The following DACH1 variants were observed in gnomAD, a reference collection of about 807,000 sequenced individuals.
The protein encoded by DACH1 is dachshund family transcription factor 1, also known as dachshund homolog 1.
In DACH1, 12 loss-of-function variants were observed where a neutral mutation model predicts 54.2. The ratio of observed to expected loss-of-function variants is 0.22; its 90% CI spans 0.14 to 0.36. The LOEUF is 0.36. Ranked by LOEUF, DACH1 falls within the 10% of genes least tolerant of loss-of-function variation. The probability of loss-of-function intolerance (pLI) is 1.00; values close to 1 mark genes in which losing one functional copy is unlikely to be tolerated. For missense variants in DACH1, 805 were observed against 929.8 expected, an observed-to-expected ratio of 0.87 and a Z score of 1.75; for synonymous variants, 386 against 366.2, an observed-to-expected ratio of 1.05 and a Z score of -0.62.
intron 2 of DACH1, among the ~76,000 whole-genome samples, chr13:71,647,752 T>C (rs1878389223): frequency 6.6e-6 from 1 of 152,146 alleles, no homozygotes; most frequent in South Asian, 2.1e-4. Context: ...GGGTTGTTAT[T>C]GTGGAGCAAC....
chr13:71,771,142 A>T (rs1160128344), intron 1 of DACH1, among the ~76,000 whole-genome samples: 3 of 151,396 alleles, frequency 2.0e-5, no homozygotes, highest in Non-Finnish European at 4.4e-5. Context: ...TAGCCTAAAA[A>T]GTTACATAGA....
chr13:71,452,376 C>T (rs903542508), intron 10 of DACH1, among the ~76,000 whole-genome samples: 2 of 152,104 alleles, frequency 1.3e-5, no homozygotes, highest in Admixed American at 1.3e-4. Context: ...GACCTGCCTG[C>T]CTCTGCTTCC....
chr13:71,865,758 G>C (rs968018051), intron 1 of DACH1, among the ~76,000 whole-genome samples, 164 bp downstream of exon 1: 2 of 151,972 alleles, frequency 1.3e-5, no homozygotes, highest in Non-Finnish European at 2.9e-5. Context: ...TCAGGGGGTC[G>C]GGCGCGGCTG....
chr13:71,804,155 C>A (rs1217822460), intron 1 of DACH1, among the ~76,000 whole-genome samples: 1 of 151,966 alleles, frequency 6.6e-6, no homozygotes, highest in East Asian at 1.9e-4. Context: ...TCTAACTCTA[C>A]AATAAATTTA....
intron 2 of DACH1, among the ~76,000 whole-genome samples, chr13:71,644,138 T>C (rs1878107217): frequency 1.3e-5 from 2 of 152,200 alleles, no homozygotes; most frequent in Non-Finnish European, 1.5e-5. Flanking sequence ...CTTGTCATTA[T>C]TGCACAAAGT....
At chr13:71,628,557 AT>A (rs1876834643) in intron 3 of DACH1, among the ~76,000 whole-genome samples, 1 of 152,018 alleles carries the variant, frequency 6.6e-6, no homozygotes, top group African/African-American at 2.4e-5. Flanking sequence ...CTCTTGGTTC[AT>A]TTTGGCGTTG....
At chr13:71,667,476 C>T (rs1358177035) in intron 2 of DACH1, among the ~76,000 whole-genome samples, 4 of 152,076 alleles carry the variant, frequency 2.6e-5, no homozygotes, top group Admixed American at 2.0e-4. Flanking sequence ...GGAAGCAAAC[C>T]ACCCCATTTC....
At chr13:71,738,176 G>A (rs1461077361) in intron 1 of DACH1, among the ~76,000 whole-genome samples, 1 of 152,146 alleles carries the variant, frequency 6.6e-6, no homozygotes, top group African/African-American at 2.4e-5. Flanking sequence ...ATCAGTAAGA[G>A]TAGCTCCCCA....
intron 10 of DACH1, among the ~76,000 whole-genome samples, chr13:71,454,863 T>A (rs905577148): frequency 6.6e-6 from 1 of 152,212 alleles, no homozygotes; most frequent in Non-Finnish European, 1.5e-5. Context: ...AATATTCTTT[T>A]AAGCCATGAA....
chr13:71,557,205 C>G, intron 5 of DACH1, 47 bp from the exon 6 acceptor site: 1 of 1,550,442 alleles, frequency 6.4e-7, no homozygotes, highest in East Asian at 2.3e-5. Flanking sequence ...ACAAAAACAC[C>G]ATAACACACA....
At chr13:71,768,574 T>A (rs950167624) in intron 1 of DACH1, among the ~76,000 whole-genome samples, 7 of 151,960 alleles carry the variant, frequency 4.6e-5, no homozygotes, top group Non-Finnish European at 8.8e-5. Flanking sequence ...CAGTTACAGT[T>A]CTACAGCCCT....
intron 6 of DACH1, among the ~76,000 whole-genome samples, chr13:71,494,452 A>T (rs556235950): frequency 2.0e-5 from 3 of 152,222 alleles, no homozygotes; most frequent in Admixed American, 2.0e-4. Flanking sequence ...TTCGTGTTAG[A>T]TGAAGTTGCC....
At chr13:71,462,478 G>A (rs1211819504) in intron 10 of DACH1, among the ~76,000 whole-genome samples, 1 of 151,512 alleles carries the variant, frequency 6.6e-6, no homozygotes, top group African/African-American at 2.4e-5. Flanking sequence ...TCATTTTCCA[G>A]CTCAATCATG....
chr13:71,469,548 G>T (rs1228855517), intron 10 of DACH1, among the ~76,000 whole-genome samples: 1 of 152,104 alleles, frequency 6.6e-6, no homozygotes, highest in Non-Finnish European at 1.5e-5. Flanking sequence ...AAAGCAACTG[G>T]ACTTACAGTC....
At chr13:71,516,380 G>A (rs1881159120) in intron 6 of DACH1, among the ~76,000 whole-genome samples, 1 of 151,458 alleles carries the variant, frequency 6.6e-6, no homozygotes, top group African/African-American at 2.4e-5. Context: ...CAGAAAGAGG[G>A]TCTCAAACAT....
At chr13:71,865,899 G>A (rs1445215960) in intron 1 of DACH1, 23 bp downstream of exon 1, 6 of 1,559,792 alleles carry the variant, frequency 3.8e-6, no homozygotes, top group African/African-American at 2.8e-5. Flanking sequence ...CGCGGGCGGC[G>A]GGGGCTATCC....
intron 2 of DACH1, among the ~76,000 whole-genome samples, chr13:71,681,582 CA>C (rs1431591668): frequency 6.6e-6 from 1 of 152,124 alleles, no homozygotes; most frequent in Non-Finnish European, 1.5e-5. Context: ...TAATTTCTAG[CA>C]CTGTGCTCAG....
At chr13:71,538,725 CAT>C (rs949181725) in intron 6 of DACH1, among the ~76,000 whole-genome samples, 2 of 152,004 alleles carry the variant, frequency 1.3e-5, no homozygotes, top group African/African-American at 4.8e-5. Context: ...AAAATAAAAA[CAT>C]ACTCAGTTTA....
intron 6 of DACH1, among the ~76,000 whole-genome samples, chr13:71,497,859 G>GACAC (rs6145114): frequency 1.2e-4 from 17 of 146,412 alleles, no homozygotes; most frequent in African/African-American, 4.0e-4. Flanking sequence ...AATATGTGTT[G>GACAC]ACACACACAC....
Sources: allele counts gnomAD v4.1 joint callset (sites outside exome capture counted in the v4.1 genomes callset), GRCh38; gene constraint gnomAD v4.1.1; transcripts MANE v1.5; gene names NCBI Gene and HGNC (gene_info 2026-07-23, HGNC 2026-07-21).